The following NUBPL variants were observed in gnomAD, a reference collection of about 807,000 sequenced individuals.
The protein encoded by NUBPL is NUBP iron-sulfur cluster assembly factor, mitochondrial.
Under a neutral mutation model 45.7 loss-of-function variants are expected in NUBPL, and 31 were observed. The observed-to-expected ratio is 0.68, with a 90% CI of 0.51 to 0.92. The LOEUF is 0.92. Among genes scored for constraint, NUBPL ranks in the 40% least tolerant of loss-of-function variants. The probability of loss-of-function intolerance (pLI) is 0.00; values close to 1 mark genes in which losing one functional copy is unlikely to be tolerated. For missense variants in NUBPL, 401 were observed against 398.7 expected (o/e 1.01, Z -0.05); for synonymous variants, 144 against 140.9 (o/e 1.02, Z -0.15).
At chr14:31,853,667 G>A (rs2040574635) in intron 10 of NUBPL, among the ~76,000 whole-genome samples, 1 of 152,192 alleles carries the variant, frequency 6.6e-6, no homozygotes, top group Non-Finnish European at 1.5e-5. Flanking sequence ...AATGTTGGAA[G>A]AGCTGTTAGT....
At chr14:31,837,641 T>G (rs912106434) in intron 8 of NUBPL, among the ~76,000 whole-genome samples, 1 of 152,024 alleles carries the variant, frequency 6.6e-6, no homozygotes, top group Non-Finnish European at 1.5e-5. Context: ...TTATTGAGGA[T>G]CAACCAAAAA....
At chr14:31,576,353 G>A (rs534116628) in intron 3 of NUBPL, among the ~76,000 whole-genome samples, 3 of 152,194 alleles carry the variant, frequency 2.0e-5, no homozygotes, top group Non-Finnish European at 4.4e-5. Context: ...CCTTGAACCC[G>A]TGGGCTCAAG....
chr14:31,668,231 C>T (rs896963376), intron 4 of NUBPL, among the ~76,000 whole-genome samples: 1 of 152,188 alleles, frequency 6.6e-6, no homozygotes, highest in Non-Finnish European at 1.5e-5. Flanking sequence ...ACTGGGGCTG[C>T]TGCCTTTCTT....
At chr14:31,626,174 T>A (rs1002678606) in intron 4 of NUBPL, among the ~76,000 whole-genome samples, 1 of 152,060 alleles carries the variant, frequency 6.6e-6, no homozygotes. Flanking sequence ...ATTTTATTTT[T>A]TTATTTTGTT....
At chr14:31,732,460 A>C (rs2038072173) in intron 6 of NUBPL, among the ~76,000 whole-genome samples, 1 of 152,110 alleles carries the variant, frequency 6.6e-6, no homozygotes, top group Non-Finnish European at 1.5e-5. Flanking sequence ...AATGAGTTTT[A>C]AAAATGGTTG....
chr14:31,716,003 T>C (rs1347877832), intron 6 of NUBPL, among the ~76,000 whole-genome samples: 1 of 152,192 alleles, frequency 6.6e-6, no homozygotes, highest in African/African-American at 2.4e-5. Context: ...AAATTTTTTT[T>C]TCTTTTACTT....
At chr14:31,789,540 T>A (rs4981124) in intron 7 of NUBPL, among the ~76,000 whole-genome samples, 79,216 of 151,834 alleles carry the variant, frequency 0.52, 22,247 homozygotes, top group African/African-American at 0.75. Context: ...TACCCTTTAT[T>A]TTGAATCTGT....
intron 8 of NUBPL, among the ~76,000 whole-genome samples, chr14:31,842,306 G>C (rs1232784416): frequency 6.6e-6 from 1 of 151,948 alleles, no homozygotes; most frequent in Non-Finnish European, 1.5e-5. Context: ...ACGTTCTTAA[G>C]ATGAGGAAAT....
intron 4 of NUBPL, among the ~76,000 whole-genome samples, chr14:31,656,859 T>C (rs1435987388): frequency 6.6e-6 from 1 of 152,180 alleles, no homozygotes; most frequent in East Asian, 1.9e-4. Context: ...GCACAAACCT[T>C]TGATTTGTAA....
At chr14:31,599,417 C>CA in intron 4 of NUBPL, 38 bp downstream of exon 4, 11 of 1,377,934 alleles carry the variant, frequency 8.0e-6, no homozygotes, top group Non-Finnish European at 1.0e-5. Context: ...ATAATAGTTG[C>CA]ACTTTTATTA....
At chr14:31,678,556 C>T (rs965832377) in intron 6 of NUBPL, among the ~76,000 whole-genome samples, 11 of 152,182 alleles carry the variant, frequency 7.2e-5, no homozygotes, top group Non-Finnish European at 1.5e-4. Context: ...ATCGGGTTAC[C>T]TTCTGGCCCA....
intron 8 of NUBPL, chr14:31,844,597 A>G (rs1361412880): frequency 6.6e-6 from 1 of 152,062 alleles, no homozygotes; most frequent in Non-Finnish European, 1.5e-5. Context: ...ATATATAATT[A>G]TTGGGGGCAA....
intron 10 of NUBPL, among the ~76,000 whole-genome samples, chr14:31,856,900 T>C (rs73259084): frequency 0.19 from 29,441 of 152,172 alleles, 8,655 homozygotes; most frequent in African/African-American, 0.64. Flanking sequence ...TCAGGCACAC[T>C]GTACAAGTTG....
chr14:31,740,956 A>G (rs1223319576), intron 6 of NUBPL, among the ~76,000 whole-genome samples: 4 of 152,062 alleles, frequency 2.6e-5, no homozygotes, highest in African/African-American at 9.7e-5. Context: ...CTTCTCCAGC[A>G]TTTCTTTTTA....
intron 4 of NUBPL, among the ~76,000 whole-genome samples, chr14:31,646,848 G>C (rs34822969): frequency 3.5e-4 from 52 of 147,130 alleles, no homozygotes; most frequent in South Asian, 1.5e-3. Flanking sequence ...TCTCAAATTT[G>C]TTTTTTTTTT....
At chr14:31,804,771 A>G (rs1184608464) in intron 7 of NUBPL, among the ~76,000 whole-genome samples, 3 of 152,188 alleles carry the variant, frequency 2.0e-5, no homozygotes, top group Non-Finnish European at 4.4e-5. Context: ...CTTACACCAT[A>G]TACAAAAATC....
At chr14:31,650,633 G>T (rs1338266226) in intron 4 of NUBPL, among the ~76,000 whole-genome samples, 2 of 152,152 alleles carry the variant, frequency 1.3e-5, no homozygotes, top group African/African-American at 4.8e-5. Context: ...CATACTTAAT[G>T]TCTATTAGCT....
intron 4 of NUBPL, among the ~76,000 whole-genome samples, chr14:31,653,317 G>A (rs1192410675): frequency 6.6e-6 from 1 of 152,156 alleles, no homozygotes; most frequent in African/African-American, 2.4e-5. Context: ...GAGCCTGAGA[G>A]TACTGCAGGA....
intron 4 of NUBPL, among the ~76,000 whole-genome samples, chr14:31,651,072 T>G (rs1352713920): frequency 2.0e-5 from 3 of 152,178 alleles, no homozygotes; most frequent in African/African-American, 7.2e-5. Context: ...AGATCACATT[T>G]CAACATGAGA....
Sources: gnomAD v4.1 joint callset for allele counts (sites outside exome capture counted in the v4.1 genomes callset) on GRCh38, gnomAD v4.1.1 for gene constraint, MANE v1.5 for transcripts, NCBI Gene and HGNC (gene_info 2026-07-23, HGNC 2026-07-21) for gene names.